The following BEST1 variants were observed in gnomAD, a reference collection of about 807,000 sequenced individuals.
BEST1 encodes the protein bestrophin 1, also known as bestrophin-1.
Under a neutral mutation model 63.3 loss-of-function variants are expected in BEST1, and 58 were observed. That is an observed-to-expected ratio of 0.92 (90% CI 0.74 to 1.14). BEST1 has a LOEUF of 1.14. Among genes scored for constraint, BEST1 ranks in the 50% most tolerant of loss-of-function variants. The probability of loss-of-function intolerance (pLI) is 0.00; values close to 1 mark genes in which losing one functional copy is unlikely to be tolerated. For missense variants in BEST1, 671 were observed against 740.1 expected (o/e 0.91, Z 1.08); for synonymous variants, 283 against 291.6 (o/e 0.97, Z 0.30).
chr11:61,954,358 G>A (rs1238337590), intron 2 of BEST1, among the ~76,000 whole-genome samples: 5 of 152,114 alleles, frequency 3.3e-5, no homozygotes, highest in Non-Finnish European at 5.9e-5. Flanking sequence ...TACATTCCAT[G>A]GGTTTGGATA....
rs1282115516 is a variant in BEST1, at chr11:61,956,989, C to A, written c.627C>A (p.Ser209Arg). 1 of 1,614,134 alleles carries A rather than the reference C, an allele frequency of 6.2e-7. No individual in the cohort carries two copies. Among genetic ancestry groups the A allele is most frequent in the South Asian group, 1.1e-5 (1 of 91,080 alleles). ...GRIRDPILLQ[S>R]LLNEMNTLRT... ...TCCGGGACCCTATCCTGCTCCAGAG[C>A]CTGCTGAACGTGAGCCCACTGTACA... Residue 209 changes from serine to arginine, a missense_variant, in exon 5 of 11, where the codon AGC (serine) becomes AGA (arginine). By Grantham distance (110) the Ser-to-Arg change is moderately radical (BLOSUM62 -1). Transcript: ENST00000378043.
downstream of BEST1, chr11:61,965,216 C>A (rs981137930): frequency 1.3e-5 from 21 of 1,594,200 alleles, no homozygotes; most frequent in Non-Finnish European, 1.6e-5. Flanking sequence ...TACTATTTGC[C>A]TAATTTAGTT....
chr11:61,960,005 C>A lies in BEST1; in HGVS notation c.1062C>A (p.Phe354Leu). 1 of 1,611,200 alleles carries A rather than the reference C, an allele frequency of 6.2e-7. No homozygotes were observed. Among genetic ancestry groups the A allele is most frequent in the Non-Finnish European group, 8.5e-7 (1 of 1,179,000 alleles). Residue 354 changes from phenylalanine to leucine, a missense_variant, in exon 9 of 11, where the codon TTC (phenylalanine) becomes TTA (leucine). Phe to Leu is a conservative substitution (Grantham distance 22). Transcript: ENST00000378043. Reference protein sequence around the residue: ...QPPYTAASAQFRRASFMGSTF... With the variant: ...QPPYTAASAQLRRASFMGSTF... The stretch of plus-strand genomic sequence containing the variant: ...CCTACACAGCTGCTTCCGCCCAGTT[C>A]CGTCGAGCCTCCTTTATGGGCTCCA...
chr11:61,958,325 C>T (rs746838151), intron 7 of BEST1, 27 bp downstream of exon 7: 4 of 1,614,168 alleles, frequency 2.5e-6, no homozygotes, highest in Non-Finnish European at 2.5e-6. Context: ...CCCTGCTGGG[C>T]TGGAGGCATG....
chr11:61,958,061 T>A, intron 6 of BEST1, 85 bp from the exon 7 acceptor site: 1 of 1,606,282 alleles, frequency 6.2e-7, no homozygotes, highest in Non-Finnish European at 8.5e-7. Context: ...CTTGGTCTCC[T>A]GTCTCAGACT....
At position 61,958,138 on chromosome 11, in the gene BEST1, C is replaced by CCTCCTCCTT. The variant is rs1383110090; in HGVS notation, c.715-4_715-3insTCCTTCTCC. On this transcript the variant is annotated splice_polypyrimidine_tract_variant and splice_region_variant and intron_variant, in intron 6 of 10. Coordinates refer to ENST00000378043, the MANE Select transcript of BEST1 (RefSeq NM_004183.4). Reference sequence around the variant, plus strand: ...CCCTTTGCTACCACATCCTCCTCCTCCTCCCAGGTGGTGACTGTGGCGGTG... The same window carrying CCTCCTCCTT: ...CCCTTTGCTACCACATCCTCCTCCTCCTCCTCCTTCTCCCAGGTGGTGACTGTGGCGGTG... 3.1e-6 allele frequency: 5 copies of CCTCCTCCTT among 1,613,590 alleles called. No individual in the cohort carries two copies. The highest frequency in any genetic ancestry group is 1.7e-5 in the Admixed American group (1 of 59,966).
rs281865284 is a variant in BEST1 at position 61,964,210 on chromosome 11, T to TG, written c.*89dup. On this transcript the variant is annotated 3_prime_UTR_variant, in exon 11 of 11. Transcript: ENST00000378043. ...ACTGATCCAGTCACAGCCATACAGC[T>TG]GTCCACACTGAAGAACATGTCCTAC... is the stretch of plus-strand genomic sequence containing the variant. The TG allele has an allele frequency of 2.9e-5, 47 of 1,603,140 alleles. No homozygotes were observed. The Admixed American group carries it at 5.0e-4, about 17-fold the overall frequency.
At chr11:61,958,907 T>TAC (rs1214610136) in intron 7 of BEST1, 14 of 30,650 alleles carry the variant, frequency 4.6e-4, no homozygotes, top group Non-Finnish European at 9.3e-4. Context: ...CACACACACA[T>TAC]ACACACACAC....
intron 3 of BEST1, 98 bp from the exon 4 acceptor site, chr11:61,955,620 C>T: frequency 7.4e-7 from 1 of 1,350,116 alleles, no homozygotes; most frequent in Non-Finnish European, 1.0e-6. Flanking sequence ...CCGCTCGCAG[C>T]AGAAAGCTGG....
At chr11:61,953,463 A>G (rs1940928839) in intron 2 of BEST1, among the ~76,000 whole-genome samples, 1 of 152,200 alleles carries the variant, frequency 6.6e-6, no homozygotes, top group Admixed American at 6.5e-5. Context: ...CCGTAATCCC[A>G]GCACTTTGGG....
intron 2 of BEST1, among the ~76,000 whole-genome samples, chr11:61,952,454 T>C (rs991869274): frequency 5.9e-5 from 8 of 135,686 alleles, no homozygotes; most frequent in Non-Finnish European, 9.2e-5. Context: ...ACCAACCACA[T>C]GGTACTTTTT....
rs142482048 is a variant in BEST1 at position 61,964,146 on chromosome 11, C to G, written c.*24C>G. ...AACCTGCTTCCTAATGGGGATGCTT[C>G]GCCAGCCAGGTCCTCACCTGTGTGT... On this transcript the variant is annotated 3_prime_UTR_variant, in exon 11 of 11. Coordinates refer to ENST00000378043, the MANE Select transcript of BEST1 (RefSeq NM_004183.4). 8 of 1,613,786 alleles carry G rather than the reference C, an allele frequency of 5.0e-6. 1 individual carries two copies. In the South Asian group the frequency reaches 8.8e-5, roughly 18 times the overall value.
At chr11:61,951,231 G>A (rs898613676) in intron 1 of BEST1, among the ~76,000 whole-genome samples, 1 of 146,426 alleles carries the variant, frequency 6.8e-6, no homozygotes, top group African/African-American at 2.8e-5. Flanking sequence ...TTTTTAGACA[G>A]AGTTTTGCTC....
At position 61,959,521 on chromosome 11, in the gene BEST1, C is replaced by G. The variant is rs1415698546; in HGVS notation, c.891C>G (p.Pro297=). The change falls in exon 8 of 11, where the codon CCC becomes CCG. Residue 297 remains proline, a synonymous_variant. Transcript: ENST00000378043. ...WLKVAEQLIN[P]FGEDDDDFET... is the part of the protein sequence containing the mutation. The stretch of plus-strand genomic sequence containing the variant: ...AGGTGGCAGAGCAGCTCATCAACCC[C>G]TTTGGAGAGGATGATGATGATTTTG... The G allele has an allele frequency of 6.2e-7, 1 of 1,614,082 alleles. No individual in the cohort carries two copies. Among genetic ancestry groups the G allele is most frequent in the African/African-American group, 1.3e-5 (1 of 74,910 alleles).
intron 3 of BEST1, 87 bp downstream of exon 3, chr11:61,955,288 A>G: frequency 2.0e-6 from 2 of 1,010,020 alleles, no homozygotes; most frequent in Non-Finnish European, 1.4e-6. Context: ...AGCTGCGGCA[A>G]GGGGCTGGGG....
intron 3 of BEST1, chr11:61,955,507 G>C: frequency 1.9e-6 from 2 of 1,071,324 alleles, no homozygotes; most frequent in Non-Finnish European, 2.6e-6. Context: ...GGACCAGCAG[G>C]GGGACCCCCG....
chr11:61,951,833 G>A lies in BEST1; in HGVS notation c.27G>A (p.Val9=). Residue 9 remains valine, a synonymous_variant, in exon 2 of 11, where the codon GTG becomes GTA. Coordinates refer to ENST00000378043, the MANE Select transcript of BEST1 (RefSeq NM_004183.4). MTITYTSQ[V]ANARLGSFSR... is the part of the protein sequence containing the mutation. ...TGACCATCACTTACACAAGCCAAGT[G>A]GCTAATGCCCGCTTAGGCTCCTTCT... 6.2e-7 allele frequency: 1 copy of A among 1,613,324 alleles called. No homozygotes were observed. Among genetic ancestry groups the A allele is most frequent in the East Asian group, 2.2e-5 (1 of 44,878 alleles).
intron 2 of BEST1, among the ~76,000 whole-genome samples, chr11:61,952,772 C>G (rs1039311716): frequency 2.6e-5 from 4 of 151,996 alleles, no homozygotes; most frequent in African/African-American, 9.7e-5. Flanking sequence ...CCACCATGCA[C>G]AGCCCACATG....
At chr11:61,955,325 G>C (rs1941185224) in intron 3 of BEST1, 124 bp downstream of exon 3, 1 of 1,553,118 alleles carries the variant, frequency 6.4e-7, no homozygotes, top group African/African-American at 1.4e-5. Flanking sequence ...CCAGCGGCAG[G>C]TCGGCGCCTC....
Sources: allele counts gnomAD v4.1 joint callset (sites outside exome capture counted in the v4.1 genomes callset), GRCh38; gene constraint gnomAD v4.1.1; transcripts MANE v1.5; gene names NCBI Gene and HGNC (gene_info 2026-07-23, HGNC 2026-07-21).